NELL1: variants seen among roughly 807,000 people sequenced by gnomAD.
The protein encoded by NELL1 is neural EGFL like 1.
Under a neutral mutation model 107.4 loss-of-function variants are expected in NELL1, and 76 were observed. The ratio of observed to expected loss-of-function variants is 0.71; its 90% CI spans 0.59 to 0.86. The LOEUF (loss-of-function observed/expected upper bound fraction) is 0.86. Ranked by LOEUF, NELL1 falls within the 40% of genes least tolerant of loss-of-function variation. The pLI, the probability that NELL1 is intolerant of heterozygous loss-of-function variation, is 0.00. For missense variants in NELL1, 1,024 were observed against 1,005.5 expected (o/e 1.02, Z -0.25); for synonymous variants, 353 against 341.2 (o/e 1.03, Z -0.38).
At chr11:21,326,884 G>T (rs1850155493) in intron 14 of NELL1, among the ~76,000 whole-genome samples, 1 of 151,886 alleles carries the variant, frequency 6.6e-6, no homozygotes, top group Non-Finnish European at 1.5e-5. Context: ...TATTTAAATA[G>T]TTGGATTGGA....
chr11:21,503,345 G>A (rs1292368503), intron 15 of NELL1, among the ~76,000 whole-genome samples: 2 of 152,186 alleles, frequency 1.3e-5, no homozygotes, highest in Non-Finnish European at 2.9e-5. Context: ...AACCAGTCCA[G>A]TTGTAAGCTA....
At chr11:20,690,352 T>A (rs1180463664) in intron 2 of NELL1, among the ~76,000 whole-genome samples, 1 of 152,264 alleles carries the variant, frequency 6.6e-6, no homozygotes, top group Non-Finnish European at 1.5e-5. Flanking sequence ...CATGAAGTCC[T>A]TGCCCATGCC....
chr11:20,791,426 C>T (rs771389336), intron 3 of NELL1, among the ~76,000 whole-genome samples: 1 of 152,154 alleles, frequency 6.6e-6, no homozygotes, highest in Non-Finnish European at 1.5e-5. Flanking sequence ...TACTTTGCAT[C>T]CTGCAACCTT....
chr11:21,558,049 A>T (rs542754637), intron 16 of NELL1, among the ~76,000 whole-genome samples: 2 of 152,116 alleles, frequency 1.3e-5, no homozygotes, highest in South Asian at 2.1e-4. Context: ...ATCTGTAGTG[A>T]CTGTCTTGCC....
chr11:21,212,287 T>C (rs1857514473), intron 13 of NELL1, among the ~76,000 whole-genome samples: 1 of 152,314 alleles, frequency 6.6e-6, no homozygotes, highest in Admixed American at 6.5e-5. Flanking sequence ...TTCAACAGTA[T>C]CTGGCTCATA....
At chr11:20,678,229 G>A (rs1854110069) in intron 2 of NELL1, among the ~76,000 whole-genome samples, 169 bp downstream of exon 2, 1 of 152,080 alleles carries the variant, frequency 6.6e-6, no homozygotes, top group Admixed American at 6.6e-5. Flanking sequence ...GCAGGAGGGA[G>A]GCATTAGAGA....
chr11:21,138,475 A>G (rs998291758), intron 13 of NELL1, among the ~76,000 whole-genome samples: 2 of 152,212 alleles, frequency 1.3e-5, no homozygotes, highest in African/African-American at 2.4e-5. Flanking sequence ...AAGTGAACAC[A>G]TGGTTTGTTT....
intron 2 of NELL1, among the ~76,000 whole-genome samples, chr11:20,758,314 G>A (rs2133954425): frequency 6.6e-6 from 1 of 152,238 alleles, no homozygotes; most frequent in Non-Finnish European, 1.5e-5. Context: ...GGTGTCGCCT[G>A]ATTCAGAATG....
intron 12 of NELL1, among the ~76,000 whole-genome samples, chr11:20,972,806 T>C (rs1413430569): frequency 1.3e-5 from 2 of 152,094 alleles, no homozygotes; most frequent in African/African-American, 4.8e-5. Context: ...CTGGTTTCAG[T>C]GGGGGACAGA....
At chr11:20,706,612 T>A (rs1280878370) in intron 2 of NELL1, among the ~76,000 whole-genome samples, 1 of 151,884 alleles carries the variant, frequency 6.6e-6, no homozygotes, top group Non-Finnish European at 1.5e-5. Flanking sequence ...ATGGCACATG[T>A]ATACATATGT....
chr11:20,874,411 G>A (rs916500852), intron 4 of NELL1, among the ~76,000 whole-genome samples: 43 of 152,210 alleles, frequency 2.8e-4, no homozygotes, highest in African/African-American at 9.7e-4. Flanking sequence ...TTTAGCCAGT[G>A]TGGCATGGCA....
At chr11:21,362,961 G>T (rs1413020346) in intron 14 of NELL1, among the ~76,000 whole-genome samples, 1 of 152,092 alleles carries the variant, frequency 6.6e-6, no homozygotes, top group East Asian at 1.9e-4. Context: ...GGGAAGTGGG[G>T]GATAGCGAGA....
intron 15 of NELL1, among the ~76,000 whole-genome samples, chr11:21,489,706 T>C (rs1854749052): frequency 6.6e-6 from 1 of 152,062 alleles, no homozygotes; most frequent in Non-Finnish European, 1.5e-5. Context: ...CAAATGATCA[T>C]CTCAATAGAC....
chr11:20,975,956 T>TG, intron 12 of NELL1, among the ~76,000 whole-genome samples: 1 of 129,582 alleles, frequency 7.7e-6, no homozygotes, highest in Non-Finnish European at 1.6e-5. Flanking sequence ...TATATGTACA[T>TG]TATATATACA....
chr11:21,243,911 AG>A (rs1407669194), intron 14 of NELL1, among the ~76,000 whole-genome samples: 1 of 152,020 alleles, frequency 6.6e-6, no homozygotes, highest in Non-Finnish European at 1.5e-5. Context: ...GAGAGGCAGC[AG>A]GGCACCCTTA....
At chr11:20,914,472 A>G (rs1279349813) in intron 5 of NELL1, among the ~76,000 whole-genome samples, 1 of 152,098 alleles carries the variant, frequency 6.6e-6, no homozygotes, top group Non-Finnish European at 1.5e-5. Flanking sequence ...GGTTGTGGAG[A>G]AGAAGCTTTT....
chr11:20,670,160 A>G (rs1188273936), intron 1 of NELL1, among the ~76,000 whole-genome samples: 1 of 151,470 alleles, frequency 6.6e-6, no homozygotes, highest in Non-Finnish European at 1.5e-5. Flanking sequence ...ACTCTCGCCG[A>G]CCCCCGCCAG....
At chr11:20,961,745 T>A (rs890359986) in intron 12 of NELL1, among the ~76,000 whole-genome samples, 34 of 152,120 alleles carry the variant, frequency 2.2e-4, no homozygotes, top group African/African-American at 8.2e-4. Context: ...GGGAGAGCCA[T>A]CTTTTCCTAT....
chr11:20,953,199 G>T (rs1851102587), intron 11 of NELL1, among the ~76,000 whole-genome samples: 1 of 152,226 alleles, frequency 6.6e-6, no homozygotes, highest in East Asian at 1.9e-4. Context: ...AATATGAGAG[G>T]TATTGACGTT....
Sources: gnomAD v4.1 joint callset for allele counts (sites outside exome capture counted in the v4.1 genomes callset) on GRCh38, gnomAD v4.1.1 for gene constraint, MANE v1.5 for transcripts, NCBI Gene and HGNC (gene_info 2026-07-23, HGNC 2026-07-21) for gene names.